Variants in IFT25 observed in about 807,000 individuals in gnomAD.
The protein encoded by IFT25 is intraflagellar transport protein 25 homolog.
At chr1:53,928,276 T>C in the IFT25 span, 4 of 989,252 alleles carry the variant, frequency 4.0e-6, no homozygotes, top group Non-Finnish European at 6.2e-6. Context: ...ATTAAAGTCA[T>C]CTTTTTTCAC....
chr1:53,936,663 T>C, the IFT25 span, among the ~76,000 whole-genome samples: 1 of 152,188 alleles, frequency 6.6e-6, no homozygotes, highest in African/African-American at 2.4e-5. Flanking sequence ...GTAATATATG[T>C]ACTCTTTGAC....
the IFT25 span, among the ~76,000 whole-genome samples, chr1:53,943,399 G>A: frequency 6.6e-6 from 1 of 152,186 alleles, no homozygotes; most frequent in Admixed American, 6.5e-5. Flanking sequence ...TACTCCAGTG[G>A]TTCTCAACTG....
the IFT25 span, among the ~76,000 whole-genome samples, chr1:53,919,274 G>T: frequency 8.9e-3 from 1,357 of 152,348 alleles, 23 homozygotes; most frequent in African/African-American, 0.03. Context: ...AAGACCATTT[G>T]CACTGTATTT....
the IFT25 span, among the ~76,000 whole-genome samples, chr1:53,940,897 A>G: frequency 2.0e-5 from 3 of 151,856 alleles, no homozygotes; most frequent in South Asian, 6.2e-4. Flanking sequence ...TTCTCTGTAG[A>G]GGCCAGGTGT....
the IFT25 span, among the ~76,000 whole-genome samples, chr1:53,935,602 A>C: frequency 6.6e-6 from 1 of 150,864 alleles, no homozygotes; most frequent in African/African-American, 2.4e-5. Context: ...TAAAGTTGTT[A>C]CCCACCCCCA....
At chr1:53,915,060 A>G in the IFT25 span, among the ~76,000 whole-genome samples, 8 of 152,208 alleles carry the variant, frequency 5.3e-5, no homozygotes, top group Non-Finnish European at 8.8e-5. Flanking sequence ...AAAAATTCAT[A>G]TATTGTTGAC....
At chr1:53,929,999 CCA>C in the IFT25 span, 2 of 1,444,426 alleles carry the variant, frequency 1.4e-6, no homozygotes. Context: ...ACCTGGAGCA[CCA>C]AAAAAAAAAA....
chr1:53,922,161 G>A, the IFT25 span, among the ~76,000 whole-genome samples: 1 of 152,188 alleles, frequency 6.6e-6, no homozygotes, highest in African/African-American at 2.4e-5. Context: ...TTGGGAGGCT[G>A]AGGCCGACAG....
At chr1:53,923,654 A>G in the IFT25 span, 1 of 374,650 alleles carries the variant, frequency 2.7e-6, no homozygotes, top group Non-Finnish European at 4.7e-6. Context: ...AAGTAAATGA[A>G]TGAGAAAAAT....
chr1:53,915,070 C>A, the IFT25 span, among the ~76,000 whole-genome samples: 1 of 152,156 alleles, frequency 6.6e-6, no homozygotes, highest in African/African-American at 2.4e-5. Context: ...ATATTGTTGA[C>A]TAGCTTTATT....
At chr1:53,930,237 G>C in the IFT25 span, 62 of 1,202,598 alleles carry the variant, frequency 5.2e-5, no homozygotes, top group Non-Finnish European at 6.3e-5. Flanking sequence ...AAAATTAAAT[G>C]ACTACTGGAT....
the IFT25 span, among the ~76,000 whole-genome samples, chr1:53,931,201 T>C: frequency 2.6e-5 from 4 of 152,204 alleles, no homozygotes; most frequent in Non-Finnish European, 4.4e-5. Flanking sequence ...TTGTTGGGTA[T>C]TTTAATTGCT....
chr1:53,924,365 T>G, the IFT25 span, among the ~76,000 whole-genome samples: 3 of 152,232 alleles, frequency 2.0e-5, no homozygotes, highest in Non-Finnish European at 4.4e-5. Context: ...GAGCTGAGTT[T>G]CTCAGTGAAA....
chr1:53,945,119 CCCT>C, the IFT25 span, among the ~76,000 whole-genome samples: 2 of 152,214 alleles, frequency 1.3e-5, no homozygotes, highest in African/African-American at 2.4e-5. Context: ...CCATCCCAAA[CCCT>C]CCTCCTCAGT....
At chr1:53,915,589 CAGGGA>C in the IFT25 span, among the ~76,000 whole-genome samples, 1 of 152,086 alleles carries the variant, frequency 6.6e-6, no homozygotes, top group Non-Finnish European at 1.5e-5. Flanking sequence ...AAAAATAAAA[CAGGGA>C]AGAAAGATTT....
the IFT25 span, chr1:53,916,859 G>A: frequency 4.0e-5 from 16 of 395,592 alleles, no homozygotes; most frequent in Non-Finnish European, 5.3e-5. Flanking sequence ...TTGCTTTTCC[G>A]GGCCGGGCGC....
the IFT25 span, among the ~76,000 whole-genome samples, chr1:53,914,419 C>G: frequency 8.6e-5 from 13 of 152,000 alleles, no homozygotes; most frequent in East Asian, 2.5e-3. Context: ...GTAAAAATCG[C>G]TTTACCCCAT....
the IFT25 span, among the ~76,000 whole-genome samples, chr1:53,932,735 TTG>T: frequency 6.6e-6 from 1 of 152,128 alleles, no homozygotes; most frequent in African/African-American, 2.4e-5. Flanking sequence ...TGGCTAATTT[TTG>T]TGTTTTTTCG....
chr1:53,912,044 T>A, the IFT25 span, among the ~76,000 whole-genome samples: 1 of 152,092 alleles, frequency 6.6e-6, no homozygotes, highest in Non-Finnish European at 1.5e-5. Flanking sequence ...ATGACCAACA[T>A]AGGCATGAGT....
Sources: gnomAD v4.1 joint callset for allele counts (sites outside exome capture counted in the v4.1 genomes callset) on GRCh38, gnomAD v4.1.1 for gene constraint, MANE v1.5 for transcripts, NCBI Gene and HGNC (gene_info 2026-07-23, HGNC 2026-07-21) for gene names.